Variants in PLIN3 observed in about 807,000 individuals in gnomAD.
The protein encoded by PLIN3 is perilipin 3, also known as perilipin-3.
Under a neutral mutation model 35.9 loss-of-function variants are expected in PLIN3, and 30 were observed. The ratio of observed to expected loss-of-function variants is 0.84; its 90% CI spans 0.62 to 1.13. PLIN3 has a LOEUF of 1.13. Among genes scored for constraint, PLIN3 ranks in the 50% most tolerant of loss-of-function variants. The pLI, the probability that PLIN3 is intolerant of heterozygous loss-of-function variation, is 0.00. For synonymous variants in PLIN3, 261 were observed against 262.5 expected, an observed-to-expected ratio of 0.99 and a Z score of 0.06; for missense variants, 603 against 596.9, an observed-to-expected ratio of 1.01 and a Z score of -0.11.
intron 5 of PLIN3, among the ~76,000 whole-genome samples, chr19:4,849,791 T>G (rs893284062): frequency 1.3e-5 from 2 of 151,958 alleles, no homozygotes; most frequent in Non-Finnish European, 2.9e-5. Flanking sequence ...TAGCTGGGAT[T>G]ACAGGAATGT....
chr19:4,846,800 C>T (rs1285832385), intron 6 of PLIN3, among the ~76,000 whole-genome samples: 2 of 151,984 alleles, frequency 1.3e-5, no homozygotes, highest in African/African-American at 2.4e-5. Flanking sequence ...GGAGAGAGGC[C>T]CCAGAAGGAC....
chr19:4,855,759 C>A (rs1422845852), intron 4 of PLIN3, among the ~76,000 whole-genome samples: 2 of 151,800 alleles, frequency 1.3e-5, no homozygotes, highest in Non-Finnish European at 2.9e-5. Flanking sequence ...CCCATTCCTA[C>A]AAAAAATTAA....
intron 5 of PLIN3, among the ~76,000 whole-genome samples, 176 bp from the exon 6 acceptor site, chr19:4,848,066 C>T (rs1472771341): frequency 2.0e-5 from 3 of 152,146 alleles, no homozygotes; most frequent in Non-Finnish European, 4.4e-5. Flanking sequence ...TCACTGCAAC[C>T]TCTGCCTCCC....
intron 1 of PLIN3, among the ~76,000 whole-genome samples, chr19:4,865,195 G>T (rs1348946252): frequency 6.9e-6 from 1 of 144,946 alleles, no homozygotes; most frequent in Admixed American, 6.9e-5. Flanking sequence ...CCATCTCAAA[G>T]AAAAAAGAAA....
rs1298642328 is a variant in PLIN3, at chr19:4,858,087, A to T, written c.348+1503T>A. Among the ~76,000 whole-genome samples, 7 of 151,776 alleles carry T rather than the reference A, an allele frequency of 4.6e-5. No homozygotes were observed. In the East Asian group the frequency reaches 1.4e-3, roughly 30 times the overall value. On this transcript the variant is annotated intron_variant, in intron 4 of 7. Transcript: ENST00000221957. Reference sequence around the variant, plus strand: ...CAAGAGATTGAGACCATCCTGGCCAACTTGGTGAAACCCCGTCTCTACTAA... The same window carrying T: ...CAAGAGATTGAGACCATCCTGGCCATCTTGGTGAAACCCCGTCTCTACTAA...
chr19:4,839,027 T>G lies in PLIN3; in HGVS notation c.*165A>C. The G allele has an allele frequency of 1.8e-6, 1 of 543,578 alleles. No homozygotes were observed. The highest frequency in any genetic ancestry group is 3.2e-6 in the Non-Finnish European group (1 of 308,834). The allele number at this position is 543,578 out of a possible 1,614,324, so 33.7% of individuals were successfully genotyped here. A position where few individuals can be genotyped will look rare whatever the true frequency, so the allele number is the denominator to read the frequency against. ...AAGCTCAGAGAGGCTGAGAGATGGG[T>G]CAACTGGGTGATGCCCGTTTTGAGA... On this transcript the variant is annotated 3_prime_UTR_variant, in exon 8 of 8. Coordinates refer to ENST00000221957, the MANE Select transcript of PLIN3 (RefSeq NM_005817.5).
chr19:4,850,881 C>CTACTTAT (rs1742049255), intron 5 of PLIN3, among the ~76,000 whole-genome samples: 1 of 152,006 alleles, frequency 6.6e-6, no homozygotes, highest in Non-Finnish European at 1.5e-5. Flanking sequence ...ATATCCTAAG[C>CTACTTAT]TACTTATTTG....
At chr19:4,866,327 T>C (rs1039429246) in intron 1 of PLIN3, among the ~76,000 whole-genome samples, 4 of 151,960 alleles carry the variant, frequency 2.6e-5, no homozygotes, top group African/African-American at 9.7e-5. Context: ...CCAGAATGGG[T>C]TCTAATCCCA....
At chr19:4,860,156 C>T (rs1377532262) in intron 2 of PLIN3, 132 bp from the exon 3 acceptor site, 1 of 725,518 alleles carries the variant, frequency 1.4e-6, no homozygotes, top group Non-Finnish European at 2.4e-6. Context: ...CACTTTGCAT[C>T]CAGGCAGTTG....
chr19:4,855,472 A>G (rs920735013), intron 4 of PLIN3, among the ~76,000 whole-genome samples: 1 of 151,922 alleles, frequency 6.6e-6, no homozygotes, highest in African/African-American at 2.4e-5. Flanking sequence ...CCCCTCAGCC[A>G]AGCCCACTAT....
intron 1 of PLIN3, 38 bp from the exon 2 acceptor site, chr19:4,861,449 C>T (rs748830953): frequency 1.4e-6 from 2 of 1,456,206 alleles, no homozygotes; most frequent in Admixed American, 1.7e-5. Flanking sequence ...GCCTGCCTGG[C>T]CCCACCTTCC....
intron 7 of PLIN3, among the ~76,000 whole-genome samples, chr19:4,842,692 G>T (rs973747879): frequency 6.6e-6 from 1 of 151,834 alleles, no homozygotes; most frequent in African/African-American, 2.4e-5. Flanking sequence ...TTGAGCGAGG[G>T]ATTACGGGAG....
At chr19:4,856,447 A>G (rs896715234) in intron 4 of PLIN3, among the ~76,000 whole-genome samples, 1 of 151,670 alleles carries the variant, frequency 6.6e-6, no homozygotes, top group Admixed American at 6.6e-5. Context: ...AATCCCAGCT[A>G]CTCGGGAGGC....
intron 6 of PLIN3, among the ~76,000 whole-genome samples, 196 bp from the exon 7 acceptor site, chr19:4,844,989 T>C (rs2030039488): frequency 6.6e-6 from 1 of 152,162 alleles, no homozygotes; most frequent in Non-Finnish European, 1.5e-5. Flanking sequence ...ACTCAGGCTC[T>C]GTGTGGTTGG....
In PLIN3 at chr19:4,859,320, G is replaced by C. The variant is rs2602722; in HGVS notation, c.348+270C>G. On this transcript the variant is annotated intron_variant, in intron 4 of 7. Coordinates refer to ENST00000221957, the MANE Select transcript of PLIN3 (RefSeq NM_005817.5). Reference sequence around the variant, plus strand: ...CTGGATCACCTGAGGTCAGGAGTTCGAGACCAGCCCGGCCAACATGGTGAA... The same window carrying C: ...CTGGATCACCTGAGGTCAGGAGTTCCAGACCAGCCCGGCCAACATGGTGAA... Among the ~76,000 whole-genome samples the C allele has an allele frequency of 0.56, 85,335 of 151,918 alleles. 24,617 individuals carry two copies. Among genetic ancestry groups the C allele is most frequent in the Non-Finnish European group, 0.63 (42,573 of 67,966 alleles).
intron 7 of PLIN3, among the ~76,000 whole-genome samples, chr19:4,840,693 T>C (rs1292899887): frequency 6.6e-6 from 1 of 152,218 alleles, no homozygotes; most frequent in Non-Finnish European, 1.5e-5. Flanking sequence ...GGCTCATGCC[T>C]GTAATCCCAG....
rs763982213 is a variant in PLIN3 at position 4,847,784 on chromosome 19, C to T, written c.741G>A (p.Arg247=). ...VRLGSLSERL[R]QHAYEHSLGK... Reference sequence around the variant, plus strand: ...CCAGCGAGTGCTCATAGGCGTGCTGCCGCAGCCTCTCCGACAGGGAGCCCA... The same window carrying T: ...CCAGCGAGTGCTCATAGGCGTGCTGTCGCAGCCTCTCCGACAGGGAGCCCA... Residue 247 remains arginine (R), a synonymous_variant, in exon 6 of 8, where the codon CGG becomes CGA. Transcript: ENST00000221957. The T allele has an allele frequency of 6.2e-7, 1 of 1,613,592 alleles. No homozygotes were observed. Among genetic ancestry groups the T allele is most frequent in the East Asian group, 2.2e-5 (1 of 44,848 alleles).
intron 7 of PLIN3, among the ~76,000 whole-genome samples, chr19:4,843,820 A>C (rs2029991725): frequency 1.3e-5 from 2 of 152,198 alleles, no homozygotes; most frequent in Admixed American, 6.6e-5. Flanking sequence ...AGGGCAACAG[A>C]GTGAGACCCT....
chr19:4,856,705 G>GT lies in PLIN3; in HGVS notation c.348+2884dup, dbSNP rs1420037223. Among the ~76,000 whole-genome samples the GT allele has an allele frequency of 7.6e-3, 958 of 126,344 alleles. 3 individuals are homozygous for GT. Among genetic ancestry groups the GT allele is most frequent in the Non-Finnish European group, 8.4e-3 (491 of 58,692 alleles). The allele number at this position is 126,344 out of a possible 152,430, so 82.9% of individuals were successfully genotyped here. A position where few individuals can be genotyped will look rare whatever the true frequency, so the allele number is the denominator to read the frequency against. ...GCCTCACACTTATCTGAAGGAGGGT[G>GT]TTTTTTTTTTTTTTTTTGAGACAGA... On this transcript the variant is annotated intron_variant, in intron 4 of 7. Coordinates refer to ENST00000221957, the MANE Select transcript of PLIN3 (RefSeq NM_005817.5).
Sources: gnomAD v4.1 joint callset for allele counts (sites outside exome capture counted in the v4.1 genomes callset) on GRCh38, gnomAD v4.1.1 for gene constraint, MANE v1.5 for transcripts, NCBI Gene and HGNC (gene_info 2026-07-23, HGNC 2026-07-21) for gene names.